WDR18: variants seen among roughly 807,000 people sequenced by gnomAD.
The protein encoded by WDR18 is WD repeat-containing protein 18.
In WDR18, 33 loss-of-function variants were observed where a neutral mutation model predicts 49.6. The observed-to-expected ratio is 0.67, with a 90% CI of 0.50 to 0.89. The LOEUF (loss-of-function observed/expected upper bound fraction) is 0.89. Ranked by LOEUF, WDR18 falls within the 40% of genes least tolerant of loss-of-function variation. The pLI is 0.00. For synonymous variants in WDR18, 315 were observed against 263.6 expected, an observed-to-expected ratio of 1.19 and a Z score of -1.89; for missense variants, 653 against 593.6, an observed-to-expected ratio of 1.10 and a Z score of -1.04.
chr19:990,554 C>G (rs78646060), intron 4 of WDR18, 190 bp downstream of exon 4: 2 of 958,268 alleles, frequency 2.1e-6, no homozygotes, highest in African/African-American at 1.7e-5. Context: ...ACTCATTCAC[C>G]GTTTCTGGCC....
At chr19:991,177 A>AGGCACGTCCTGTCT (rs1386349957) in intron 6 of WDR18, 32 bp downstream of exon 6, 1 of 1,507,906 alleles carries the variant, frequency 6.6e-7, no homozygotes, top group Admixed American at 2.0e-5. Context: ...GGGGGCTCCC[A>AGGCACGTCCTGTCT]GGCACGTCCT....
In WDR18 at chr19:984,531, A is replaced by G; in HGVS notation, c.178A>G (p.Asn60Asp). Residue 60 changes from asparagine (N) to aspartate (D), a missense_variant, in exon 1 of 10, where the codon AAT (asparagine) becomes GAT (aspartate). Transcript: ENST00000585809. ...TCTGCTGGCGGCGCAGCTGGGCAAG[A>G]ATTACATCAGCGCCTGGGAGCTCCA... ...EYLLAAQLGKNYISAWELQRK... is the reference protein window; with the variant it reads ...EYLLAAQLGKDYISAWELQRK... 1 of 1,532,798 alleles carries G rather than the reference A, an allele frequency of 6.5e-7. No individual in the cohort carries two copies. The highest frequency in any genetic ancestry group is 8.8e-7 in the Non-Finnish European group (1 of 1,139,624). The allele number at this position is 1,532,798 out of a possible 1,614,324, so 94.9% of individuals were successfully genotyped here.
chr19:991,488 G>A, intron 7 of WDR18, 137 bp downstream of exon 7: 1 of 886,104 alleles, frequency 1.1e-6, no homozygotes, highest in Non-Finnish European at 1.6e-6. Flanking sequence ...CTGGCTGTGG[G>A]GCGGGGCCTG....
intron 2 of WDR18, among the ~76,000 whole-genome samples, chr19:988,303 T>A (rs2038497995): frequency 2.0e-5 from 3 of 152,130 alleles, no homozygotes; most frequent in Admixed American, 2.0e-4. Flanking sequence ...GCTGGAAACC[T>A]GAGAGCCAGG....
intron 4 of WDR18, 115 bp from the exon 5 acceptor site, chr19:990,737 G>C: frequency 1.4e-6 from 2 of 1,432,064 alleles, no homozygotes; most frequent in East Asian, 4.9e-5. Flanking sequence ...ACCCAAAGTC[G>C]CAAGCCCTAG....
Position 994,331 on chromosome 19 carries a change from G to A in WDR18, c.1286G>A (p.Arg429Gln), listed in dbSNP as rs371794912. 36 of 1,609,346 alleles carry A rather than the reference G, an allele frequency of 2.2e-5. No individual in the cohort carries two copies. Among genetic ancestry groups the A allele is most frequent in the South Asian group, 5.5e-5 (5 of 90,736 alleles). Reference sequence around the variant, plus strand: ...GACTTCTCCACGCGCTTCATCACGCGGCCGGCCAAGTGAGGCCCGGAGACC... The same window carrying A: ...GACTTCTCCACGCGCTTCATCACGCAGCCGGCCAAGTGAGGCCCGGAGACC... ...LFDFSTRFIT[R>Q]PAK Residue 429 changes from arginine (R) to glutamine (Q), a missense_variant, in exon 10 of 10, where the codon CGG becomes CAG. Transcript: ENST00000585809.
At chr19:986,212 G>T (rs2145502832) in intron 2 of WDR18, among the ~76,000 whole-genome samples, 1 of 152,354 alleles carries the variant, frequency 6.6e-6, no homozygotes, top group South Asian at 2.1e-4. Flanking sequence ...GTGCAGCCCA[G>T]TCCCCGGCAC....
intron 7 of WDR18, 39 bp downstream of exon 7, chr19:991,390 G>C (rs1402829701): frequency 4.6e-6 from 7 of 1,513,968 alleles, no homozygotes; most frequent in Non-Finnish European, 6.2e-6. Flanking sequence ...CAGCGCGCAG[G>C]GGAAAAAGCC....
rs115477202 is a variant in WDR18 at position 984,738 on chromosome 19, G to T, written c.210+175G>T. 1.8e-3 allele frequency among the ~76,000 whole-genome samples: 277 copies of T among 151,440 alleles called. 4 individuals are homozygous for T. Among genetic ancestry groups the T allele is most frequent in the African/African-American group, 6.5e-3 (267 of 41,278 alleles). The stretch of plus-strand genomic sequence containing the variant: ...CTGGGGGCTTTGGGGAGATACGTGC[G>T]ACCTGTTAGGCCGCTCTGCGCACGC... On this transcript the variant is annotated intron_variant, in intron 1 of 9. Transcript: ENST00000585809.
upstream of WDR18, chr19:984,279 C>G (rs2038449499): frequency 3.6e-6 from 5 of 1,380,104 alleles, no homozygotes; most frequent in Non-Finnish European, 4.7e-6. Flanking sequence ...GCGGGGCCGC[C>G]GCTCTGGCCC....
At chr19:984,278 C>T (rs2038449473), upstream of WDR18, 6 of 1,379,966 alleles carry the variant, frequency 4.3e-6, no homozygotes, top group Admixed American at 1.9e-4. Context: ...CGCGGGGCCG[C>T]CGCTCTGGCC....
rs1176075908 is a variant in WDR18, at chr19:994,490, G to A, written c.*146G>A. On this transcript the variant is annotated 3_prime_UTR_variant, in exon 10 of 10. Transcript: ENST00000585809. ...CGGGTTTTTCCTCTGTGACTGGGCC[G>A]TCTTGGTGTCTCGTGGCACGCGTCA... 9 of 1,189,496 alleles carry A rather than the reference G, an allele frequency of 7.6e-6. No individual in the cohort carries two copies. Among genetic ancestry groups the A allele is most frequent in the East Asian group, 2.6e-5 (1 of 38,506 alleles). The allele number at this position is 1,189,496 out of a possible 1,614,324, so 73.7% of individuals were successfully genotyped here. A position where few individuals can be genotyped will look rare whatever the true frequency, so the allele number is the denominator to read the frequency against.
In WDR18 at chr19:990,359, G is replaced by A. The variant is rs777369456; in HGVS notation, c.592G>A (p.Val198Met). Residue 198 changes from valine to methionine, a missense_variant, in exon 4 of 10, where the codon GTG becomes ATG. Val to Met is a conservative substitution (Grantham distance 21, BLOSUM62 1). Coordinates refer to ENST00000585809, the MANE Select transcript of WDR18 (RefSeq NM_024100.4). ...GGCCACCTCCTCACTGGACCAGACG[G>A]TGAAGGTACGCCGCCCCCACCCCAC... ...RVATSSLDQT[V>M]KLWEVSSGEL... 2.2e-5 allele frequency: 35 copies of A among 1,561,162 alleles called. 1 individual carries two copies. The South Asian group carries it at 3.8e-4, about 17-fold the overall frequency.
chr19:987,733 G>A (rs1454687590), intron 2 of WDR18, among the ~76,000 whole-genome samples: 1 of 151,990 alleles, frequency 6.6e-6, no homozygotes, highest in Admixed American at 6.6e-5. Flanking sequence ...TCGCCCCATG[G>A]GGGATGTCTT....
intron 2 of WDR18, among the ~76,000 whole-genome samples, chr19:988,127 G>A (rs1202276381): frequency 1.3e-5 from 2 of 148,474 alleles, no homozygotes; most frequent in African/African-American, 2.5e-5. Context: ...ACTGCAGCTG[G>A]CCCTCCTGGA....
At chr19:990,767 C>T (rs2038534171) in intron 4 of WDR18, 85 bp from the exon 5 acceptor site, 2 of 1,506,220 alleles carry the variant, frequency 1.3e-6, no homozygotes, top group East Asian at 2.3e-5. Context: ...ACAGCCGACG[C>T]CTGACCTCCC....
At chr19:984,207 C>G (rs911494590), upstream of WDR18, 12 of 872,132 alleles carry the variant, frequency 1.4e-5, no homozygotes, top group African/African-American at 1.8e-5. Flanking sequence ...AATCCCACTT[C>G]ACAAGAAAGC....
At chr19:990,524 C>G (rs979409697) in intron 4 of WDR18, 160 bp downstream of exon 4, 1 of 1,127,448 alleles carries the variant, frequency 8.9e-7, no homozygotes, top group Non-Finnish European at 1.2e-6. Context: ...CCAGGGAGGT[C>G]TGCCAGCCTG....
intron 8 of WDR18, 75 bp downstream of exon 8, chr19:992,196 C>T (rs1334568616): frequency 2.2e-6 from 3 of 1,380,428 alleles, no homozygotes; most frequent in South Asian, 3.2e-5. Context: ...TCCTTCGCTC[C>T]CTTGGTCCTG....
Sources: allele counts gnomAD v4.1 joint callset (sites outside exome capture counted in the v4.1 genomes callset), GRCh38; gene constraint gnomAD v4.1.1; transcripts MANE v1.5; gene names NCBI Gene and HGNC (gene_info 2026-07-23, HGNC 2026-07-21).